TACC2: variants seen among roughly 807,000 people sequenced by gnomAD.
TACC2 encodes transforming acidic coiled-coil-containing protein 2.
A neutral mutation model predicts 227.3 loss-of-function variants in TACC2; 137 were observed. The ratio of observed to expected loss-of-function variants is 0.60; its 90% CI spans 0.52 to 0.69. TACC2 has a LOEUF of 0.69. TACC2 is among the 30% of genes least tolerant of loss of function. The pLI is 0.00. For synonymous variants in TACC2, 1,523 were observed against 1,487.5 expected (o/e 1.02, Z -0.55); for missense variants, 3,470 against 3,694.4 (o/e 0.94, Z 1.57).
chr10:121,994,004 T>TTGATGTATC (rs1224713407), intron 1 of TACC2, among the ~76,000 whole-genome samples: 1 of 152,190 alleles, frequency 6.6e-6, no homozygotes, highest in Non-Finnish European at 1.5e-5. Context: ...TATTTTTCAC[T>TTGATGTATC]TGATGTATCT....
chr10:122,059,161 C>A (rs2076531629), intron 3 of TACC2, among the ~76,000 whole-genome samples: 1 of 151,548 alleles, frequency 6.6e-6, no homozygotes, highest in Non-Finnish European at 1.5e-5. Flanking sequence ...TGTGATCCGC[C>A]CGCCTCAGCC....
chr10:122,032,999 C>CAAA (rs1221264157), intron 2 of TACC2: 15 of 753,072 alleles, frequency 2.0e-5, no homozygotes, highest in South Asian at 4.4e-5. Context: ...ACAACAACAA[C>CAAA]AAAAACAAAA....
rs1280849029 is a variant in TACC2, at chr10:122,143,646, C to G, written c.5774C>G (p.Ala1925Gly). 1 of 1,614,048 alleles carries G rather than the reference C, an allele frequency of 6.2e-7. No homozygotes were observed. The highest frequency in any genetic ancestry group is 1.3e-5 in the African/African-American group (1 of 74,930). ...AEHIVSPSAPAGDRVEASTPS... is the reference protein window; with the variant it reads ...AEHIVSPSAPGGDRVEASTPS... ...CACATAGTTTCGCCATCTGCCCCAG[C>G]TGGTGACAGAGTAGAAGCTTCCACT... The change falls in exon 7 of 23, where the codon GCT (alanine) becomes GGT (glycine). Residue 1925 changes from alanine to glycine, a missense_variant. By Grantham distance (60) the Ala-to-Gly change is moderately conservative. Transcript: ENST00000369005.
rs891946662 is a variant in TACC2 at position 122,229,139 on chromosome 10, G to A, written c.7897-207G>A. The stretch of plus-strand genomic sequence containing the variant: ...TGAAGGCTATGCTTTTGGGGAGGGG[G>A]TCGGGTCTGCCAATCTCAAGATGTG... On this transcript the variant is annotated intron_variant, in intron 14 of 22. Transcript: ENST00000369005. 2.0e-5 allele frequency among the ~76,000 whole-genome samples: 3 copies of A among 152,052 alleles called. No homozygotes were observed. The South Asian group carries it at 6.2e-4, about 32-fold the overall frequency.
intron 7 of TACC2, among the ~76,000 whole-genome samples, chr10:122,171,338 C>T (rs1025575009): frequency 3.4e-5 from 5 of 145,068 alleles, no homozygotes; most frequent in Non-Finnish European, 6.0e-5. Flanking sequence ...CAGTGGGGGC[C>T]GAGGTAGGGG....
Position 122,085,664 on chromosome 10 carries a change from A to G in TACC2, c.3164A>G (p.Asp1055Gly). The G allele has an allele frequency of 6.2e-7, 1 of 1,613,590 alleles. No homozygotes were observed. Among genetic ancestry groups the G allele is most frequent in the Non-Finnish European group, 8.5e-7 (1 of 1,180,030 alleles). ...CAGCCTGACTCAGTAGCTCTCCTGG[A>G]TGCAGTTCCCTGCCTGCCAGCCCTG... ...PCQPDSVALL[D>G]AVPCLPALAP... The change falls in exon 4 of 23, where the codon GAT becomes GGT. Residue 1055 changes from aspartate to glycine, a missense_variant. Coordinates refer to ENST00000369005, the MANE Select transcript of TACC2 (RefSeq NM_206862.4).
rs1446598277 is a variant in TACC2 at position 122,086,734 on chromosome 10, A to G, written c.4234A>G (p.Ile1412Val). 2 of 1,613,984 alleles carry G rather than the reference A, an allele frequency of 1.2e-6. No individual in the cohort carries two copies. The highest frequency in any genetic ancestry group is 1.7e-6 in the Non-Finnish European group (2 of 1,179,986). ...TGGCTTCCCAGACTTCAGGGAGCAC[A>G]TCGCCAAGATCTTCGAGAAGCCTGT... Reference protein sequence around the residue: ...LTGFPDFREHIAKIFEKPVLG... With the variant: ...LTGFPDFREHVAKIFEKPVLG... Residue 1412 changes from isoleucine (I) to valine (V), a missense_variant, in exon 4 of 23, where the codon ATC becomes GTC. By Grantham distance (29) the Ile-to-Val change is conservative. Transcript: ENST00000369005.
chr10:122,088,355 A>ATTT (rs11442094), intron 4 of TACC2, 123 bp from the exon 5 acceptor site: 3,604 of 777,592 alleles, frequency 4.6e-3, no homozygotes, highest in Non-Finnish European at 5.8e-3. Context: ...TTTCCTAGGG[A>ATTT]TTTTTTTTTT....
At chr10:122,021,243 G>A (rs1031776695) in intron 1 of TACC2, among the ~76,000 whole-genome samples, 4 of 149,848 alleles carry the variant, frequency 2.7e-5, no homozygotes, top group Admixed American at 1.3e-4. Flanking sequence ...AAAAAAAGGC[G>A]GGGGGGAAGA....
At chr10:122,012,752 G>A (rs1268616533) in intron 1 of TACC2, among the ~76,000 whole-genome samples, 1 of 152,136 alleles carries the variant, frequency 6.6e-6, no homozygotes, top group Non-Finnish European at 1.5e-5. Context: ...CCCCACAGAA[G>A]TGAACCTCAG....
At chr10:122,251,471 C>T (rs2096253639) in intron 22 of TACC2, among the ~76,000 whole-genome samples, 1 of 152,092 alleles carries the variant, frequency 6.6e-6, no homozygotes, top group Non-Finnish European at 1.5e-5. Flanking sequence ...ATTTTCTATT[C>T]CTTGTCTCTT....
intron 7 of TACC2, among the ~76,000 whole-genome samples, chr10:122,155,986 C>T (rs1205216235): frequency 2.0e-5 from 3 of 151,402 alleles, no homozygotes; most frequent in Non-Finnish European, 4.4e-5. Context: ...TACAGGCGCC[C>T]GCCACCACGC....
intron 6 of TACC2, among the ~76,000 whole-genome samples, chr10:122,137,519 G>C (rs1418205787): frequency 1.3e-5 from 2 of 152,168 alleles, no homozygotes; most frequent in Non-Finnish European, 1.5e-5. Context: ...TCCAGCTGCT[G>C]TACCACTATG....
intron 3 of TACC2, among the ~76,000 whole-genome samples, chr10:122,072,044 T>G (rs1229171413): frequency 6.8e-6 from 1 of 146,714 alleles, no homozygotes; most frequent in African/African-American, 2.5e-5. Flanking sequence ...AGTGGCGCGA[T>G]CTCAGCTCAC....
intron 7 of TACC2, among the ~76,000 whole-genome samples, chr10:122,171,861 G>A (rs1002358062): frequency 6.6e-6 from 1 of 152,212 alleles, no homozygotes; most frequent in Non-Finnish European, 1.5e-5. Flanking sequence ...GCCCTTCCAT[G>A]AGTCTTATTA....
chr10:122,191,820 T>C (rs568691792), intron 7 of TACC2, among the ~76,000 whole-genome samples: 2 of 152,374 alleles, frequency 1.3e-5, no homozygotes, highest in South Asian at 4.1e-4. Flanking sequence ...TTTTCTTTTC[T>C]TTCATTTTTA....
rs1554980725 is a variant in TACC2, at chr10:122,050,496, T to C, written c.92T>C (p.Ile31Thr). 3.1e-6 allele frequency: 5 copies of C among 1,614,018 alleles called. No homozygotes were observed. Among genetic ancestry groups the C allele is most frequent in the African/African-American group, 1.3e-5 (1 of 74,994 alleles). ...CAGCCACCCGGGAACAGTCAGAATA[T>C]AAAAAGGAAGCAGCAGGACACGCCC... ...SAQPPGNSQN[I>T]KRKQQDTPGS... The change falls in exon 3 of 23, where the codon ATA (isoleucine) becomes ACA (threonine). Residue 31 changes from isoleucine to threonine, a missense_variant. Coordinates refer to ENST00000369005, the MANE Select transcript of TACC2 (RefSeq NM_206862.4). This position sits in a 1 kb window ranked among gnomAD's most constrained non-coding sequence, Gnocchi z 4.6.
At chr10:122,208,386 C>T (rs2095195955) in intron 8 of TACC2, among the ~76,000 whole-genome samples, 1 of 152,128 alleles carries the variant, frequency 6.6e-6, no homozygotes, top group South Asian at 2.1e-4. Context: ...GCCAGGTACT[C>T]CAGGAGAAAG....
intron 6 of TACC2, among the ~76,000 whole-genome samples, chr10:122,137,083 C>T (rs545236522): frequency 3.6e-4 from 55 of 151,784 alleles, no homozygotes; most frequent in African/African-American, 9.9e-4. Context: ...AAAGGGATTT[C>T]GATGCACCCT....
Sources: allele counts gnomAD v4.1 joint callset (sites outside exome capture counted in the v4.1 genomes callset), GRCh38; gene constraint gnomAD v4.1.1; non-coding constraint Gnocchi (gnomAD v3.1); transcripts MANE v1.5; gene names NCBI Gene and HGNC (gene_info 2026-07-23, HGNC 2026-07-21).